The following PDE1C variants were observed in gnomAD, a reference collection of about 807,000 sequenced individuals.
PDE1C encodes phosphodiesterase 1C, also known as dual specificity calcium/calmodulin-dependent 3',5'-cyclic nucleotide phosphodiesterase 1C.
A neutral mutation model predicts 93.1 loss-of-function variants in PDE1C; 62 were observed. The observed-to-expected ratio is 0.67, with a 90% CI of 0.54 to 0.82. The LOEUF (loss-of-function observed/expected upper bound fraction) is 0.82. PDE1C is among the 40% of genes least tolerant of loss of function. The pLI is 0.00. For synonymous variants in PDE1C, 325 were observed against 310.1 expected (o/e 1.05, Z -0.50); for missense variants, 742 against 884.6 (o/e 0.84, Z 2.04).
chr7:31,769,641 G>T lies in PDE1C; in HGVS notation c.1960+6023C>A, dbSNP rs140285371. Among the ~76,000 whole-genome samples, 404 of 152,130 alleles carry T rather than the reference G, an allele frequency of 2.7e-3. 3 individuals carry two copies. Among genetic ancestry groups the T allele is most frequent in the Admixed American group, 5.6e-3 (85 of 15,286 alleles). On this transcript the variant is annotated intron_variant, in intron 17 of 17. Coordinates refer to ENST00000396191, the MANE Select transcript of PDE1C (RefSeq NM_001191057.4). ...AAACCATAAATTTTGCCCTTTTGAG[G>T]TATATATTTTGAGGGTTTTTTCCTA...
intron 1 of PDE1C, among the ~76,000 whole-genome samples, chr7:32,251,704 T>C (rs1809394788): frequency 1.3e-5 from 2 of 152,194 alleles, no homozygotes; most frequent in African/African-American, 2.4e-5. Context: ...CCATGAATAA[T>C]AAACATCTCA....
chr7:32,324,289 C>T (rs960057160), intron 1 of PDE1C, among the ~76,000 whole-genome samples: 5 of 152,120 alleles, frequency 3.3e-5, no homozygotes, highest in Non-Finnish European at 5.9e-5. Context: ...ACATAGCATG[C>T]CACAAGATAG....
At chr7:31,829,492 A>C (rs1252231099) in intron 11 of PDE1C, among the ~76,000 whole-genome samples, 1 of 152,196 alleles carries the variant, frequency 6.6e-6, no homozygotes, top group Non-Finnish European at 1.5e-5. Context: ...AACAACCTGC[A>C]ACCAGGCCTG....
intron 1 of PDE1C, among the ~76,000 whole-genome samples, chr7:32,258,154 T>C (rs1390782718): frequency 6.6e-6 from 1 of 152,222 alleles, no homozygotes; most frequent in Non-Finnish European, 1.5e-5. Flanking sequence ...GGACACTGAC[T>C]TAGAGTCAGG....
At chr7:31,850,600 G>C (rs775260868) in intron 8 of PDE1C, 41 bp downstream of exon 8, 2 of 1,291,228 alleles carry the variant, frequency 1.5e-6, no homozygotes, top group South Asian at 2.4e-5. Flanking sequence ...CTGTCTCTCT[G>C]ACCCCTCTTG....
chr7:31,924,857 T>A (rs1217611244), intron 2 of PDE1C, among the ~76,000 whole-genome samples: 1 of 152,242 alleles, frequency 6.6e-6, no homozygotes, highest in Non-Finnish European at 1.5e-5. Flanking sequence ...AAGCTTTCAA[T>A]GCTGCTTCAT....
chr7:32,113,236 AATATATATATATATAT>A (rs35138046), intron 3 of PDE1C, among the ~76,000 whole-genome samples: 3 of 94,020 alleles, frequency 3.2e-5, no homozygotes, highest in East Asian at 3.8e-4. Context: ...ATTGTCCTTA[AATATATATATATATAT>A]ATATATATAT....
the PDE1C span, chr7:31,643,374 T>C: frequency 6.2e-7 from 1 of 1,613,952 alleles, no homozygotes; most frequent in South Asian, 1.1e-5. Flanking sequence ...CCCACCTCCA[T>C]AAACTGCCTG....
the PDE1C span, among the ~76,000 whole-genome samples, chr7:31,681,056 T>C: frequency 2.6e-5 from 4 of 152,294 alleles, no homozygotes; most frequent in Non-Finnish European, 2.9e-5. Context: ...GGAAATGCTA[T>C]CATTGAGGCC....
chr7:32,271,596 C>A (rs948228352), intron 1 of PDE1C, among the ~76,000 whole-genome samples: 1 of 152,106 alleles, frequency 6.6e-6, no homozygotes, highest in Non-Finnish European at 1.5e-5. Context: ...AATTAAGTAA[C>A]GTTCTTGTGA....
intron 3 of PDE1C, among the ~76,000 whole-genome samples, chr7:32,157,258 C>G (rs1281806636): frequency 1.3e-5 from 2 of 152,112 alleles, no homozygotes; most frequent in Non-Finnish European, 2.9e-5. Flanking sequence ...GGAATAAGTT[C>G]TAGTATTCGA....
At chr7:32,030,921 T>C (rs1790222506) in intron 2 of PDE1C, among the ~76,000 whole-genome samples, 1 of 152,036 alleles carries the variant, frequency 6.6e-6, no homozygotes, top group Admixed American at 6.5e-5. Flanking sequence ...AAGTTTCTCT[T>C]GTCACTGTCC....
chr7:31,845,823 T>A (rs1038009439), intron 9 of PDE1C, among the ~76,000 whole-genome samples: 1 of 152,086 alleles, frequency 6.6e-6, no homozygotes, highest in South Asian at 2.1e-4. Flanking sequence ...AAACACTGTC[T>A]CTATTAAAAA....
chr7:32,383,459 G>A (rs1007473787), intron 1 of PDE1C, among the ~76,000 whole-genome samples: 3 of 152,154 alleles, frequency 2.0e-5, no homozygotes, highest in Admixed American at 2.0e-4. Flanking sequence ...CACTAATGAG[G>A]TCTCTTCTAG....
chr7:31,619,588 TAA>T, the PDE1C span, among the ~76,000 whole-genome samples: 2 of 152,116 alleles, frequency 1.3e-5, no homozygotes, highest in African/African-American at 4.8e-5. Flanking sequence ...AGTAAGTTTG[TAA>T]AGAGTGTTCT....
intron 1 of PDE1C, among the ~76,000 whole-genome samples, chr7:32,285,720 G>T (rs143022178): frequency 5.8e-4 from 87 of 148,862 alleles, no homozygotes; most frequent in African/African-American, 2.1e-3. Context: ...GGAGGAGAGG[G>T]GAAGGGAAGG....
chr7:32,370,626 G>A (rs1395113292), intron 1 of PDE1C, among the ~76,000 whole-genome samples: 13 of 151,426 alleles, frequency 8.6e-5, no homozygotes, highest in African/African-American at 2.2e-4. Flanking sequence ...ATCACACACC[G>A]GGGCCTGTCA....
chr7:31,964,793 G>C (rs562269705), intron 2 of PDE1C, among the ~76,000 whole-genome samples: 1 of 152,208 alleles, frequency 6.6e-6, no homozygotes, highest in Non-Finnish European at 1.5e-5. Flanking sequence ...AGCATTTACA[G>C]TTCACCAATA....
At chr7:31,652,064 G>A in the PDE1C span, 2 of 1,558,514 alleles carry the variant, frequency 1.3e-6, no homozygotes, top group African/African-American at 1.4e-5. Flanking sequence ...TGGGTGATGG[G>A]GTGTGGAGTT....
Sources: gnomAD v4.1 joint callset for allele counts (sites outside exome capture counted in the v4.1 genomes callset) on GRCh38, gnomAD v4.1.1 for gene constraint, MANE v1.5 for transcripts, NCBI Gene and HGNC (gene_info 2026-07-23, HGNC 2026-07-21) for gene names.